The following BBS9 variants were observed in gnomAD, a reference collection of about 807,000 sequenced individuals.
The protein encoded by BBS9 is protein PTHB1.
A neutral mutation model predicts 117.7 loss-of-function variants in BBS9; 89 were observed. The ratio of observed to expected loss-of-function variants is 0.76; its 90% CI spans 0.64 to 0.90. BBS9 has a LOEUF of 0.90. BBS9 is among the 40% of genes least tolerant of loss of function. The pLI, the probability that BBS9 is intolerant of heterozygous loss-of-function variation, is 0.00. For missense variants in BBS9, 982 were observed against 1,042.2 expected, an observed-to-expected ratio of 0.94 and a Z score of 0.80; for synonymous variants, 379 against 370.9, an observed-to-expected ratio of 1.02 and a Z score of -0.25.
intron 9 of BBS9, among the ~76,000 whole-genome samples, chr7:33,327,687 C>G (rs1175401580): frequency 6.6e-6 from 1 of 152,162 alleles, no homozygotes; most frequent in Non-Finnish European, 1.5e-5. Flanking sequence ...GAGTGAGAGT[C>G]TGTCTCTAAA....
At chr7:33,293,762 A>G (rs1198129641) in intron 9 of BBS9, among the ~76,000 whole-genome samples, 3 of 152,164 alleles carry the variant, frequency 2.0e-5, no homozygotes, top group Non-Finnish European at 2.9e-5. Context: ...AGAGATTCCT[A>G]TACTGTTAAT....
intron 21 of BBS9, among the ~76,000 whole-genome samples, chr7:33,603,610 A>G (rs1864136659): frequency 6.6e-6 from 1 of 152,146 alleles, no homozygotes; most frequent in Non-Finnish European, 1.5e-5. Flanking sequence ...AGTACTCAAT[A>G]ATGATAGTTC....
chr7:33,474,937 G>A lies in BBS9; in HGVS notation c.2116-30526G>A, dbSNP rs188053493. ...TCCAGCCTGGTGACAGTGAGACTCC[G>A]TCTCAAACAAACAAACAAAAAGGAA... On this transcript the variant is annotated intron_variant, in intron 19 of 22. Transcript: ENST00000242067. Among the ~76,000 whole-genome samples the A allele has an allele frequency of 8.1e-4, 123 of 152,244 alleles. No individual in the cohort carries two copies. In the Middle Eastern group the frequency reaches 0.01, roughly 13 times the overall value.
At chr7:33,146,614 G>A (rs1038618034) in intron 2 of BBS9, among the ~76,000 whole-genome samples, 6 of 149,380 alleles carry the variant, frequency 4.0e-5, no homozygotes, top group African/African-American at 1.2e-4. Context: ...CAGGAGAATC[G>A]CTTGAACCCA....
chr7:33,383,664 A>G lies in BBS9; in HGVS notation c.1790-2A>G. On this transcript the variant is annotated splice_acceptor_variant, in intron 17 of 22. Transcript: ENST00000242067. LOFTEE classifies it high-confidence loss of function. ...CATTTTTCCTTAATTTTTTTCTCTC[A>G]GAACGATATCGCATTCAGAGTGAAC... The G allele has an allele frequency of 6.2e-7, 1 of 1,601,672 alleles. No individual in the cohort carries two copies. The highest frequency in any genetic ancestry group is 8.5e-7 in the Non-Finnish European group (1 of 1,172,100).
At chr7:33,270,326 G>A (rs559157297) in intron 7 of BBS9, among the ~76,000 whole-genome samples, 150 of 152,182 alleles carry the variant, frequency 9.9e-4, no homozygotes, top group African/African-American at 3.4e-3. Context: ...CTAAATGATC[G>A]CACTAATTCT....
At chr7:33,223,028 G>C (rs993119590) in intron 5 of BBS9, among the ~76,000 whole-genome samples, 2 of 151,490 alleles carry the variant, frequency 1.3e-5, no homozygotes, top group Admixed American at 6.6e-5. Context: ...TTTATATAAG[G>C]TTCTGGCCCT....
intron 21 of BBS9, among the ~76,000 whole-genome samples, chr7:33,593,426 T>A (rs1279027254): frequency 6.6e-6 from 1 of 152,102 alleles, no homozygotes; most frequent in Non-Finnish European, 1.5e-5. Flanking sequence ...TTGTTTTGGT[T>A]TTTTAGGTTC....
At chr7:33,225,661 C>T (rs968630229) in intron 5 of BBS9, among the ~76,000 whole-genome samples, 3 of 150,070 alleles carry the variant, frequency 2.0e-5, no homozygotes, top group African/African-American at 7.3e-5. Flanking sequence ...TTTCCTCTCC[C>T]AGAACTGGAA....
At chr7:33,227,350 G>A (rs1791482219) in intron 5 of BBS9, among the ~76,000 whole-genome samples, 1 of 152,048 alleles carries the variant, frequency 6.6e-6, no homozygotes, top group Non-Finnish European at 1.5e-5. Flanking sequence ...GTTTCACCAT[G>A]TTGGCCAGGC....
intron 9 of BBS9, among the ~76,000 whole-genome samples, chr7:33,278,982 A>G (rs925436254): frequency 5.9e-5 from 9 of 152,216 alleles, no homozygotes; most frequent in African/African-American, 2.2e-4. Context: ...ACTCAAATCA[A>G]TATCATAATC....
intron 5 of BBS9, among the ~76,000 whole-genome samples, chr7:33,179,726 C>T (rs947743445): frequency 2.0e-5 from 3 of 152,058 alleles, no homozygotes; most frequent in Non-Finnish European, 4.4e-5. Context: ...TGAGTCATCC[C>T]GAAATCTTCC....
chr7:33,461,253 G>C (rs1188281009), intron 19 of BBS9, among the ~76,000 whole-genome samples: 4 of 151,910 alleles, frequency 2.6e-5, no homozygotes, highest in African/African-American at 9.7e-5. Flanking sequence ...CCTAGAAGTA[G>C]GGTTGTGGGA....
intron 9 of BBS9, among the ~76,000 whole-genome samples, chr7:33,290,372 A>G (rs917839638): frequency 1.3e-5 from 2 of 152,218 alleles, no homozygotes; most frequent in Admixed American, 6.5e-5. Context: ...AGTCAAATAT[A>G]TGAAAAATTA....
At chr7:33,160,259 T>A (rs80189173) in intron 4 of BBS9, among the ~76,000 whole-genome samples, 2,195 of 152,330 alleles carry the variant, frequency 0.014, 57 homozygotes, top group African/African-American at 0.05. Context: ...GATGTCTATT[T>A]AGAAGAATGA....
intron 19 of BBS9, among the ~76,000 whole-genome samples, chr7:33,478,170 T>A (rs1842051796): frequency 6.6e-6 from 1 of 152,158 alleles, no homozygotes; most frequent in Non-Finnish European, 1.5e-5. Flanking sequence ...AAAATTATAG[T>A]TGTGAACCTT....
At chr7:33,347,322 A>G (rs77716627) in intron 12 of BBS9, among the ~76,000 whole-genome samples, 4,427 of 152,144 alleles carry the variant, frequency 0.029, 208 homozygotes, top group African/African-American at 0.096. Flanking sequence ...TAATAGTAGA[A>G]TATTTAAATT....
At chr7:33,235,449 C>T (rs1429751677) in intron 5 of BBS9, among the ~76,000 whole-genome samples, 1 of 152,044 alleles carries the variant, frequency 6.6e-6, no homozygotes, top group Non-Finnish European at 1.5e-5. Flanking sequence ...CTTTTATAAA[C>T]CTTATAGTAC....
chr7:33,253,478 G>C (rs557457167), intron 5 of BBS9, among the ~76,000 whole-genome samples: 1 of 152,140 alleles, frequency 6.6e-6, no homozygotes, highest in African/African-American at 2.4e-5. Flanking sequence ...GCCAGGGGTG[G>C]TGGCGAGCTT....
Sources: gnomAD v4.1 joint callset for allele counts (sites outside exome capture counted in the v4.1 genomes callset) on GRCh38, gnomAD v4.1.1 for gene constraint, MANE v1.5 for transcripts, NCBI Gene and HGNC (gene_info 2026-07-23, HGNC 2026-07-21) for gene names.